Variants in ANXA4 observed in about 807,000 individuals in gnomAD.
ANXA4 encodes the protein 35-beta calcimedin.
A neutral mutation model predicts 49.8 loss-of-function variants in ANXA4; 39 were observed. That is an observed-to-expected ratio of 0.78 (90% CI 0.61 to 1.02). The LOEUF (loss-of-function observed/expected upper bound fraction) is 1.02, where lower values mean the gene tolerates loss of function less well. Ranked by LOEUF, ANXA4 falls within the 50% of genes least tolerant of loss-of-function variation. The pLI is 0.00. For missense variants in ANXA4, 360 were observed against 410.1 expected (o/e 0.88, Z 1.05); for synonymous variants, 134 against 152.5 (o/e 0.88, Z 0.89).
chr2:69,714,969 G>GA (rs1678830675), intron 2 of ANXA4, among the ~76,000 whole-genome samples: 9 of 152,174 alleles, frequency 5.9e-5, no homozygotes, highest in African/African-American at 2.2e-4. Flanking sequence ...AGATGCTTTG[G>GA]AGAGCTTGAA....
intron 1 of ANXA4, among the ~76,000 whole-genome samples, chr2:69,760,435 T>G (rs1429963818): frequency 2.0e-5 from 3 of 152,202 alleles, no homozygotes; most frequent in African/African-American, 4.8e-5. Flanking sequence ...TAAGCCAAAA[T>G]CTGTAGTCTC....
At chr2:69,753,042 T>G (rs7577493) in intron 1 of ANXA4, among the ~76,000 whole-genome samples, 76,507 of 152,018 alleles carry the variant, frequency 0.5, 19,636 homozygotes, top group East Asian at 0.71. Context: ...ATTTCTTAGG[T>G]GGACGTTGTC....
At chr2:69,769,785 C>T (rs565003055) in intron 1 of ANXA4, among the ~76,000 whole-genome samples, 16 of 152,276 alleles carry the variant, frequency 1.1e-4, no homozygotes, top group African/African-American at 3.1e-4. Flanking sequence ...GCCTCAGACT[C>T]CCGGGTAGCT....
At chr2:69,644,246 C>T (rs989281990), upstream of ANXA4, among the ~76,000 whole-genome samples, 1 of 141,210 alleles carries the variant, frequency 7.1e-6, no homozygotes, top group Non-Finnish European at 1.5e-5. Context: ...ACAAGGGATT[C>T]TGGAGGTTGT....
At chr2:69,794,396 G>A (rs1376378158) in intron 3 of ANXA4, among the ~76,000 whole-genome samples, 1 of 152,148 alleles carries the variant, frequency 6.6e-6, no homozygotes, top group South Asian at 2.1e-4. Flanking sequence ...TGGCTGTTGA[G>A]CTGGACCTCA....
rs190910733 is a variant in ANXA4, at chr2:69,667,754, C to G, written n.766+14472C>G. 4.9e-3 allele frequency among the ~76,000 whole-genome samples: 745 copies of G among 152,318 alleles called. 12 individuals are homozygous for G. Among genetic ancestry groups the G allele is most frequent in the Non-Finnish European group, 3.3e-3 (222 of 68,032 alleles). ...CACCTGAAGACTCATTTTTATTGCT[C>G]CCAAGGCCATGGCAGCTGAGCCATT... On this transcript the variant is annotated intron_variant and non_coding_transcript_variant, in intron 2 of 3. Coordinates refer to the ANXA4 transcript ENST00000418066.
At chr2:69,780,283 C>A (rs1672141784) in intron 1 of ANXA4, among the ~76,000 whole-genome samples, 1 of 152,196 alleles carries the variant, frequency 6.6e-6, no homozygotes, top group Non-Finnish European at 1.5e-5. Flanking sequence ...CAACCTCCAC[C>A]TCCCAGGCTC....
chr2:69,760,350 T>G (rs185203032), intron 1 of ANXA4, among the ~76,000 whole-genome samples: 1 of 152,334 alleles, frequency 6.6e-6, no homozygotes, highest in East Asian at 1.9e-4. Context: ...TGACACTTGA[T>G]TAAATAGAGA....
At chr2:69,708,533 AAGAGAG>A (rs112618606) in intron 2 of ANXA4, among the ~76,000 whole-genome samples, 2 of 149,390 alleles carry the variant, frequency 1.3e-5, no homozygotes, top group African/African-American at 2.5e-5. Context: ...AGAAGAAAGA[AAGAGAG>A]AGAGAGAGAG....
chr2:69,749,820 G>T (rs946987153), intron 1 of ANXA4, among the ~76,000 whole-genome samples: 9 of 151,898 alleles, frequency 5.9e-5, no homozygotes, highest in African/African-American at 1.9e-4. Context: ...AGCTTCTAGG[G>T]AGGCTGAGGC....
chr2:69,810,489 C>T, intron 6 of ANXA4, 105 bp from the exon 7 acceptor site: 2 of 900,684 alleles, frequency 2.2e-6, no homozygotes, highest in Non-Finnish European at 3.6e-6. Context: ...TGATAAGCTG[C>T]TTCCATAAGC....
intron 2 of ANXA4, among the ~76,000 whole-genome samples, chr2:69,699,147 G>A (rs1454613837): frequency 6.6e-6 from 1 of 152,162 alleles, no homozygotes; most frequent in African/African-American, 2.4e-5. Context: ...GTGGGGTGGG[G>A]TCTAGCGCTC....
At chr2:69,720,361 C>T (rs1342978795) in intron 2 of ANXA4, among the ~76,000 whole-genome samples, 3 of 152,202 alleles carry the variant, frequency 2.0e-5, no homozygotes, top group Admixed American at 1.3e-4. Context: ...GCCAACTGCA[C>T]ATGTTCAAAG....
At position 69,765,475 on chromosome 2, in the gene ANXA4, G is replaced by A. The variant is rs548261253; in HGVS notation, c.-46-16045G>A. Among the ~76,000 whole-genome samples the A allele has an allele frequency of 5.9e-5, 9 of 152,112 alleles. No homozygotes were observed. In the South Asian group the frequency reaches 1.7e-3, roughly 28 times the overall value. ...TGAGTGTTGGCAGATGTATATATCC[G>A]GGTACACTACCCCAATCAAGGTAAA... is the stretch of plus-strand genomic sequence containing the variant. On this transcript the variant is annotated intron_variant, in intron 1 of 12. Transcript: ENST00000394295.
At chr2:69,728,530 A>C (rs1211235887) in intron 3 of ANXA4, among the ~76,000 whole-genome samples, 1 of 152,190 alleles carries the variant, frequency 6.6e-6, no homozygotes, top group East Asian at 1.9e-4. Flanking sequence ...TTGAATGGCC[A>C]ATCTATCTGT....
chr2:69,708,065 G>A (rs1243332943), intron 2 of ANXA4, among the ~76,000 whole-genome samples: 1 of 152,138 alleles, frequency 6.6e-6, no homozygotes, highest in Non-Finnish European at 1.5e-5. Context: ...GAACATAATC[G>A]CAAATATTCC....
intron 1 of ANXA4, among the ~76,000 whole-genome samples, chr2:69,647,730 T>C (rs1559035438): frequency 6.6e-6 from 1 of 151,952 alleles, no homozygotes; most frequent in African/African-American, 2.4e-5. Flanking sequence ...AAAATAATTA[T>C]ATAAAAAATA....
intron 2 of ANXA4, among the ~76,000 whole-genome samples, chr2:69,673,169 G>T (rs550452207): frequency 6.6e-5 from 10 of 152,264 alleles, no homozygotes; most frequent in Admixed American, 5.9e-4. Flanking sequence ...ATACCCGAAG[G>T]ATTATAAATC....
At chr2:69,768,674 G>A (rs760709751) in intron 1 of ANXA4, among the ~76,000 whole-genome samples, 6 of 152,206 alleles carry the variant, frequency 3.9e-5, no homozygotes, top group Non-Finnish European at 7.3e-5. Flanking sequence ...CAGTAAAACT[G>A]TCCTGTAAGT....
Sources: allele counts gnomAD v4.1 joint callset (sites outside exome capture counted in the v4.1 genomes callset), GRCh38; gene constraint gnomAD v4.1.1; transcripts MANE v1.5; gene names NCBI Gene and HGNC (gene_info 2026-07-23, HGNC 2026-07-21).